The following RD3L variants were observed in gnomAD, a reference collection of about 807,000 sequenced individuals.
The protein encoded by RD3L is protein RD3-like.
Under a neutral mutation model 12.5 loss-of-function variants are expected in RD3L, and 6 were observed. That is an observed-to-expected ratio of 0.48 (90% CI 0.26 to 0.95). The LOEUF is 0.95. Among genes scored for constraint, RD3L ranks in the 40% least tolerant of loss-of-function variants. The probability of loss-of-function intolerance (pLI) is 0.14; values close to 1 mark genes in which losing one functional copy is unlikely to be tolerated. For missense variants in RD3L, 234 were observed against 228.6 expected (o/e 1.02, Z -0.15); for synonymous variants, 87 against 79.3 (o/e 1.10, Z -0.52).
At chr14:103,941,787 C>A in intron 1 of RD3L, 85 bp from the exon 2 acceptor site, 2 of 1,010,374 alleles carry the variant, frequency 2.0e-6, no homozygotes, top group Non-Finnish European at 1.4e-6. Flanking sequence ...TAAATTTGCC[C>A]GAAAAGTGCA....
At position 103,942,488 on chromosome 14, in the gene RD3L, G is replaced by A. The variant is rs150375791; in HGVS notation, c.-404C>T. Among the ~76,000 whole-genome samples the A allele has an allele frequency of 7.2e-5, 11 of 152,316 alleles. No homozygotes were observed. Among genetic ancestry groups the A allele is most frequent in the African/African-American group, 2.2e-4 (9 of 41,568 alleles). ...TTTGGTAGTGAAACGAAGAATGGTC[G>A]TCTAAAGCACCATAGATGCGCTCCG... On this transcript the variant is annotated 5_prime_UTR_variant, in exon 1 of 3. The change creates a new upstream start codon in the 5' untranslated region. Transcript: ENST00000557640.
At chr14:103,941,163 C>G in intron 2 of RD3L, 60 bp from the exon 3 acceptor site, 1 of 1,287,014 alleles carries the variant, frequency 7.8e-7, no homozygotes, top group South Asian at 1.4e-5. Context: ...ATCTCTTTAT[C>G]TCCAAAATAC....
Position 103,941,506 on chromosome 14 carries a change from G to A in RD3L, c.190C>T (p.Leu64Phe). 1 of 1,535,212 alleles carries A rather than the reference G, an allele frequency of 6.5e-7. No homozygotes were observed. Among genetic ancestry groups the A allele is most frequent in the Non-Finnish European group, 8.7e-7 (1 of 1,146,508 alleles). ...GTGTGGGGATTCTGGTAGTTTCTGA[G>A]CCAGTTGTAATCCACACCTGTTTTT... ...VKKTGVDYNW[L>F]RNYQNPHTTI... Residue 64 changes from leucine to phenylalanine, a missense_variant, in exon 2 of 3, where the codon CTC becomes TTC. Leu to Phe is a conservative substitution (Grantham distance 22, BLOSUM62 0). Transcript: ENST00000557640.
In RD3L at chr14:103,940,755, A is replaced by T; in HGVS notation, c.*51T>A. On this transcript the variant is annotated 3_prime_UTR_variant, in exon 3 of 3. Coordinates refer to ENST00000557640, the MANE Select transcript of RD3L (RefSeq NM_001257268.2). ...AGTCACATCACTTTTTCTTATTCTT[A>T]ATATTAGGAGTTCTAAGGTGTTCAT... The T allele has an allele frequency of 1.6e-6, 2 of 1,229,296 alleles. No homozygotes were observed. The highest frequency in any genetic ancestry group is 2.3e-5 in the Admixed American group (1 of 42,902). 76.1% of individuals were successfully genotyped at this position (1,229,296 alleles called of 1,614,324 possible).
Position 103,940,699 on chromosome 14 carries a change from G to A in RD3L, c.*107C>T. ...TTTAAAACATAGGCTACATCCACAGGATACTGACCTTGTAACAAAGAAAAA... is the reference window on the plus strand; with the variant it reads ...TTTAAAACATAGGCTACATCCACAGAATACTGACCTTGTAACAAAGAAAAA... On this transcript the variant is annotated 3_prime_UTR_variant, in exon 3 of 3. Transcript: ENST00000557640. 2.9e-6 allele frequency: 2 copies of A among 700,098 alleles called. No individual in the cohort carries two copies. The highest frequency in any genetic ancestry group is 1.9e-5 in the South Asian group (1 of 51,288). 43.4% of individuals were successfully genotyped at this position (700,098 alleles called of 1,614,324 possible). A position where few individuals can be genotyped will look rare whatever the true frequency, so the allele number is the denominator to read the frequency against.
rs1157919859 is a variant in RD3L, at chr14:103,941,075, C to T, written c.328G>A (p.Val110Ile). ...ATGTAGACTATTTCCCATGGCAGTA[C>T]ATCATTTTCTGCCAAAACTTCTCGA... The part of the protein sequence containing the change: ...RFREVLAEND[V>I]LPWEIVYIFK... The change falls in exon 3 of 3, where the codon GTA (valine) becomes ATA (isoleucine). Residue 110 changes from valine (V) to isoleucine (I), a missense_variant. Val to Ile is a conservative substitution (Grantham distance 29). Coordinates refer to ENST00000557640, the MANE Select transcript of RD3L (RefSeq NM_001257268.2). 3 of 1,534,162 alleles carry T rather than the reference C, an allele frequency of 2.0e-6. No homozygotes were observed. The highest frequency in any genetic ancestry group is 2.6e-6 in the Non-Finnish European group (3 of 1,145,866).
rs767359440 is a variant in RD3L, at chr14:103,940,925, T to C, written c.478A>G (p.Arg160Gly). The C allele has an allele frequency of 6.5e-7, 1 of 1,535,456 alleles. No homozygotes were observed. Among genetic ancestry groups the C allele is most frequent in the Non-Finnish European group, 8.7e-7 (1 of 1,146,734 alleles). The stretch of plus-strand genomic sequence containing the variant: ...GTGGGTATTTCATCTTTGTCTGCCC[T>C]CTTGGAGCTGTCACCTTGGATCACA... The part of the protein sequence containing the change: ...PSVIQGDSSK[R>G]ADKDEIPTIS... The change falls in exon 3 of 3, where the codon AGG becomes GGG. Residue 160 changes from arginine (R) to glycine (G), a missense_variant. By Grantham distance (125) the Arg-to-Gly change is moderately radical. Coordinates refer to ENST00000557640, the MANE Select transcript of RD3L (RefSeq NM_001257268.2).
chr14:103,940,496 G>C lies in RD3L; in HGVS notation c.*310C>G. On this transcript the variant is annotated 3_prime_UTR_variant, in exon 3 of 3. Coordinates refer to ENST00000557640, the MANE Select transcript of RD3L (RefSeq NM_001257268.2). Reference sequence around the variant, plus strand: ...AATAAAAGTCAAGGTTAATATCTAAGTTTTGTACAGAATTTGTCAGACTTC... The same window carrying C: ...AATAAAAGTCAAGGTTAATATCTAACTTTTGTACAGAATTTGTCAGACTTC... 4.4e-6 allele frequency: 1 copy of C among 226,632 alleles called. No homozygotes were observed. The highest frequency in any genetic ancestry group is 1.7e-3 in the Middle Eastern group (1 of 604). The allele number at this position is 226,632 out of a possible 1,614,324, so 14.0% of individuals were successfully genotyped here.
rs1400503760 is a variant in RD3L, at chr14:103,942,476, C to T, written c.-392G>A. On this transcript the variant is annotated 5_prime_UTR_variant, in exon 1 of 3. Transcript: ENST00000557640. ...TTCCGACATGTCTTTGGTAGTGAAA[C>T]GAAGAATGGTCGTCTAAAGCACCAT... Among the ~76,000 whole-genome samples, 5 of 152,146 alleles carry T rather than the reference C, an allele frequency of 3.3e-5. No individual in the cohort carries two copies. The highest frequency in any genetic ancestry group is 6.5e-5 in the Admixed American group (1 of 15,274).
At position 103,940,653 on chromosome 14, in the gene RD3L, G is replaced by A; in HGVS notation, c.*153C>T. 1 of 573,092 alleles carries A rather than the reference G, an allele frequency of 1.7e-6. No homozygotes were observed. 35.5% of individuals were successfully genotyped at this position (573,092 alleles called of 1,614,324 possible). On this transcript the variant is annotated 3_prime_UTR_variant, in exon 3 of 3. Coordinates refer to ENST00000557640, the MANE Select transcript of RD3L (RefSeq NM_001257268.2). ...TCAATGAAAACATAGCATGTTTAGA[G>A]TGGTTAAAAAAAGAACACTATTTAA...
In RD3L at chr14:103,940,606, A is replaced by G. The variant is rs1756969307; in HGVS notation, c.*200T>C. The G allele has an allele frequency of 2.2e-6, 1 of 449,416 alleles. No individual in the cohort carries two copies. The highest frequency in any genetic ancestry group is 3.9e-6 in the Non-Finnish European group (1 of 255,220). The allele number at this position is 449,416 out of a possible 1,614,324, so 27.8% of individuals were successfully genotyped here. A position where few individuals can be genotyped will look rare whatever the true frequency, so the allele number is the denominator to read the frequency against. On this transcript the variant is annotated 3_prime_UTR_variant, in exon 3 of 3. Coordinates refer to ENST00000557640, the MANE Select transcript of RD3L (RefSeq NM_001257268.2). Reference sequence around the variant, plus strand: ...CATTTTTTCAAAATACTTAGGAAACATTTTAGTTAAAAGCATACTATTCAA... The same window carrying G: ...CATTTTTTCAAAATACTTAGGAAACGTTTTAGTTAAAAGCATACTATTCAA...
Position 103,941,586 on chromosome 14 carries a change from T to G in RD3L, c.110A>C (p.His37Pro). The G allele has an allele frequency of 6.5e-7, 1 of 1,535,222 alleles. No homozygotes were observed. Among genetic ancestry groups the G allele is most frequent in the Non-Finnish European group, 8.7e-7 (1 of 1,146,550 alleles). The change falls in exon 2 of 3, where the codon CAC (histidine) becomes CCC (proline). Residue 37 changes from histidine (H) to proline (P), a missense_variant. By Grantham distance (77) the His-to-Pro change is moderately conservative. Transcript: ENST00000557640. ...TKTLLRELKW[H>P]LKERERLIQE... is the part of the protein sequence containing the mutation. ...TATTAATCTCTCTCGCTCCTTTAGGTGCCATTTTAATTCCCGAAGCAGAGT... is the reference window on the plus strand; with the variant it reads ...TATTAATCTCTCTCGCTCCTTTAGGGGCCATTTTAATTCCCGAAGCAGAGT...
In RD3L at chr14:103,940,950, A is replaced by G. The variant is rs1403447205; in HGVS notation, c.453T>C (p.Ser151=). 3 of 1,535,336 alleles carry G rather than the reference A, an allele frequency of 2.0e-6. No homozygotes were observed. The highest frequency in any genetic ancestry group is 2.7e-5 in the African/African-American group (2 of 73,020). Residue 151 remains serine (S), a synonymous_variant, in exon 3 of 3, where the codon TCT becomes TCC. Coordinates refer to ENST00000557640, the MANE Select transcript of RD3L (RefSeq NM_001257268.2). The stretch of plus-strand genomic sequence containing the variant: ...TCTTGGAGCTGTCACCTTGGATCAC[A>G]GAAGGAGCAGAGCAGTCCATGCTCC... ...DSGSMDCSAP[S]VIQGDSSKRA... is the part of the protein sequence containing the mutation.
In RD3L at chr14:103,940,919, C is replaced by G. The variant is rs374574508; in HGVS notation, c.484G>C (p.Asp162His). The G allele has an allele frequency of 6.5e-7, 1 of 1,535,364 alleles. No individual in the cohort carries two copies. The highest frequency in any genetic ancestry group is 2.4e-5 in the East Asian group (1 of 40,906). Residue 162 changes from aspartate (D) to histidine (H), a missense_variant, in exon 3 of 3, where the codon GAC becomes CAC. Transcript: ENST00000557640. ...VIQGDSSKRA[D>H]KDEIPTISSY... ...GAAATGGTGGGTATTTCATCTTTGT[C>G]TGCCCTCTTGGAGCTGTCACCTTGG...
rs1248122354 is a variant in RD3L at position 103,941,013 on chromosome 14, A to G, written c.390T>C (p.Ser130=). 11 of 1,535,204 alleles carry G rather than the reference A, an allele frequency of 7.2e-6. No individual in the cohort carries two copies. The highest frequency in any genetic ancestry group is 9.6e-6 in the Non-Finnish European group (11 of 1,146,598). The part of the protein sequence containing the change: ...KQVLKDFLSS[S]DRGSEQEDLE... ...GGTCCTCTTGCTCACTCCCTCTGTC[A>G]GAGCTGCTTAGGAAGTCTTTCAGAA... The change falls in exon 3 of 3, where the codon TCT becomes TCC. Residue 130 remains serine, a synonymous_variant. Coordinates refer to ENST00000557640, the MANE Select transcript of RD3L (RefSeq NM_001257268.2).
intron 2 of RD3L, 121 bp from the exon 3 acceptor site, chr14:103,941,224 G>T: frequency 1.0e-6 from 1 of 996,450 alleles, no homozygotes; most frequent in Non-Finnish European, 1.4e-6. Flanking sequence ...TTTGCATGTT[G>T]TTTTAAAATT....
At position 103,941,522 on chromosome 14, in the gene RD3L, A is replaced by G. The variant is rs563244510; in HGVS notation, c.174T>C (p.Gly58=). The change falls in exon 2 of 3, where the codon GGT becomes GGC. Residue 58 remains glycine, a synonymous_variant. Transcript: ENST00000557640. ...AGTTTCTGAGCCAGTTGTAATCCAC[A>G]CCTGTTTTTTTCACTTTTTGTTCAT... ...IENEQKVKKT[G]VDYNWLRNYQ... 1.0e-5 allele frequency: 16 copies of G among 1,534,912 alleles called. No homozygotes were observed. Among genetic ancestry groups the G allele is most frequent in the East Asian group, 9.8e-5 (4 of 40,894 alleles).
rs1173926971 is a variant in RD3L at position 103,940,972 on chromosome 14, C to G, written c.431G>C (p.Ser144Thr). The G allele has an allele frequency of 6.5e-7, 1 of 1,535,474 alleles. No homozygotes were observed. Among genetic ancestry groups the G allele is most frequent in the African/African-American group, 1.4e-5 (1 of 73,162 alleles). The change falls in exon 3 of 3, where the codon AGC becomes ACC. Residue 144 changes from serine (S) to threonine (T), a missense_variant. Ser to Thr is a moderately conservative substitution (Grantham distance 58). Transcript: ENST00000557640. ...CACAGAAGGAGCAGAGCAGTCCATGCTCCCTGAGTCCTCCAGGTCCTCTTG... is the reference window on the plus strand; with the variant it reads ...CACAGAAGGAGCAGAGCAGTCCATGGTCCCTGAGTCCTCCAGGTCCTCTTG... ...SEQEDLEDSG[S>T]MDCSAPSVIQ...
Position 103,941,639 on chromosome 14 carries a change from G to T in RD3L, c.57C>A (p.His19Gln), listed in dbSNP as rs1469634984. Residue 19 changes from histidine (H) to glutamine (Q), a missense_variant, in exon 2 of 3, where the codon CAC becomes CAA. Transcript: ENST00000557640. ...WPKNDSYKPT[H>Q]YPGSDIVTKT... ...TTGTCACTATGTCTGAGCCAGGATA[G>T]TGTGTGGGTTTGTAGGAATCGTTTT... is the stretch of plus-strand genomic sequence containing the variant. 2 of 1,535,190 alleles carry T rather than the reference G, an allele frequency of 1.3e-6. No homozygotes were observed. Among genetic ancestry groups the T allele is most frequent in the Non-Finnish European group, 1.7e-6 (2 of 1,146,634 alleles).
Sources: allele counts gnomAD v4.1 joint callset (sites outside exome capture counted in the v4.1 genomes callset), GRCh38; gene constraint gnomAD v4.1.1; transcripts MANE v1.5; gene names NCBI Gene and HGNC (gene_info 2026-07-23, HGNC 2026-07-21).